The following DCLK1 variants were observed in gnomAD, a reference collection of about 807,000 sequenced individuals.
DCLK1 encodes doublecortin like kinase 1, also known as serine/threonine-protein kinase DCLK1.
In DCLK1, 16 loss-of-function variants were observed where a neutral mutation model predicts 86.2. That is an observed-to-expected ratio of 0.19 (90% CI 0.13 to 0.28). The LOEUF (loss-of-function observed/expected upper bound fraction) is 0.28, where lower values mean the gene tolerates loss of function less well. DCLK1 is among the 10% of genes least tolerant of loss of function. The pLI is 1.00. For synonymous variants in DCLK1, 369 were observed against 370.5 expected (o/e 1.00, Z 0.05); for missense variants, 590 against 940.2 (o/e 0.63, Z 4.87).
chr13:35,812,082 T>C (rs2087158048), intron 11 of DCLK1, among the ~76,000 whole-genome samples: 1 of 152,274 alleles, frequency 6.6e-6, no homozygotes, highest in East Asian at 1.9e-4. Flanking sequence ...TCTTCTCTCT[T>C]TCACCCAACA....
chr13:35,793,270 T>C (rs1239041975), intron 16 of DCLK1, 96 bp downstream of exon 16: 1 of 902,416 alleles, frequency 1.1e-6, no homozygotes, highest in Non-Finnish European at 1.7e-6. Context: ...AAATGACCCA[T>C]TCTGCTGTCT....
intron 4 of DCLK1, among the ~76,000 whole-genome samples, chr13:35,945,530 G>A (rs1401969118): frequency 6.6e-6 from 1 of 152,144 alleles, no homozygotes; most frequent in Middle Eastern, 3.2e-3. Context: ...ATTCCAGGTC[G>A]AGTTTGACAG....
chr13:35,814,703 C>G (rs1451855773), intron 11 of DCLK1, among the ~76,000 whole-genome samples: 1 of 152,202 alleles, frequency 6.6e-6, no homozygotes, highest in Non-Finnish European at 1.5e-5. Context: ...GATGTTCCCC[C>G]ACATTTTAAA....
intron 3 of DCLK1, among the ~76,000 whole-genome samples, chr13:36,102,253 T>G (rs1885244874): frequency 6.8e-6 from 1 of 146,136 alleles, no homozygotes; most frequent in South Asian, 2.2e-4. Flanking sequence ...AGATTTTTTT[T>G]TTAATAAAAA....
At chr13:35,944,510 T>C (rs1351150161) in intron 4 of DCLK1, among the ~76,000 whole-genome samples, 1 of 152,204 alleles carries the variant, frequency 6.6e-6, no homozygotes, top group Non-Finnish European at 1.5e-5. Context: ...TGTTAATACA[T>C]TAGCGCTAGA....
At chr13:36,126,425 C>T (rs568640087) in intron 1 of DCLK1, among the ~76,000 whole-genome samples, 1 of 151,964 alleles carries the variant, frequency 6.6e-6, no homozygotes, top group South Asian at 2.1e-4. Context: ...ATTTTTTGTT[C>T]ATTTGCTTGT....
intron 11 of DCLK1, among the ~76,000 whole-genome samples, chr13:35,822,357 C>T (rs976101885): frequency 2.0e-5 from 3 of 151,612 alleles, no homozygotes; most frequent in Non-Finnish European, 4.4e-5. Flanking sequence ...ATGGGGGTCT[C>T]ACTATGTTGC....
chr13:35,832,170 C>T (rs932849467), intron 8 of DCLK1, among the ~76,000 whole-genome samples: 2 of 152,064 alleles, frequency 1.3e-5, no homozygotes, highest in Admixed American at 6.5e-5. Context: ...GTGGTGTGCA[C>T]CTATACTCCT....
chr13:35,787,638 G>T (rs1447394990), intron 16 of DCLK1, among the ~76,000 whole-genome samples: 1 of 152,074 alleles, frequency 6.6e-6, no homozygotes, highest in Non-Finnish European at 1.5e-5. Context: ...ATTTCCAGGG[G>T]GAAGAGGGAA....
At chr13:35,812,933 TAA>T (rs1282826235) in intron 11 of DCLK1, among the ~76,000 whole-genome samples, 1 of 152,212 alleles carries the variant, frequency 6.6e-6, no homozygotes, top group Non-Finnish European at 1.5e-5. Context: ...CACTTAGAGT[TAA>T]GTTAAAAACT....
At chr13:35,785,041 T>C (rs1164175356) in intron 16 of DCLK1, among the ~76,000 whole-genome samples, 1 of 152,160 alleles carries the variant, frequency 6.6e-6, no homozygotes, top group African/African-American at 2.4e-5. Context: ...GAATCCAATA[T>C]GCACATTTTA....
chr13:35,922,965 A>G (rs955898615), intron 4 of DCLK1, among the ~76,000 whole-genome samples: 7 of 152,166 alleles, frequency 4.6e-5, no homozygotes, highest in South Asian at 2.1e-4. Context: ...GAGCTGCCTC[A>G]TGGGAACGAT....
intron 16 of DCLK1, among the ~76,000 whole-genome samples, chr13:35,789,876 TTC>T (rs777311689): frequency 6.6e-6 from 1 of 152,020 alleles, no homozygotes; most frequent in African/African-American, 2.4e-5. Context: ...TTGTTTCCCT[TTC>T]TCTCTCTCTT....
At chr13:35,855,879 A>G (rs1173574590) in intron 5 of DCLK1, 2 of 1,109,200 alleles carry the variant, frequency 1.8e-6, no homozygotes, top group Admixed American at 9.7e-5. Flanking sequence ...GGGGCAAGAG[A>G]TCCAGTGACT....
chr13:35,914,251 C>T (rs952334018), intron 4 of DCLK1, among the ~76,000 whole-genome samples: 2 of 148,980 alleles, frequency 1.3e-5, no homozygotes. Context: ...CTGGAGAGGT[C>T]GAGGCTGCAG....
chr13:36,052,671 CT>C (rs774915954), intron 3 of DCLK1, among the ~76,000 whole-genome samples: 10 of 152,058 alleles, frequency 6.6e-5, no homozygotes, highest in Admixed American at 6.6e-5. Context: ...ATTCAAATTG[CT>C]GTGAAATTGA....
chr13:35,904,483 T>C (rs2153123150), intron 4 of DCLK1, among the ~76,000 whole-genome samples: 1 of 152,328 alleles, frequency 6.6e-6, no homozygotes, highest in Admixed American at 6.5e-5. Context: ...TAAGCCACTG[T>C]GCCTGGCCTA....
At chr13:35,894,106 T>C (rs183686137) in intron 4 of DCLK1, among the ~76,000 whole-genome samples, 40 of 152,196 alleles carry the variant, frequency 2.6e-4, no homozygotes, top group African/African-American at 8.4e-4. Context: ...AGATATCTCA[T>C]GTATATGCAA....
intron 16 of DCLK1, among the ~76,000 whole-genome samples, chr13:35,775,459 G>T (rs1314062462): frequency 6.6e-6 from 1 of 152,162 alleles, no homozygotes; most frequent in African/African-American, 2.4e-5. Context: ...GACCTCCGAT[G>T]ATTCCCCGGA....
Sources: allele counts gnomAD v4.1 joint callset (sites outside exome capture counted in the v4.1 genomes callset), GRCh38; gene constraint gnomAD v4.1.1; transcripts MANE v1.5; gene names NCBI Gene and HGNC (gene_info 2026-07-23, HGNC 2026-07-21).